Variants in MAGI2 observed in about 807,000 individuals in gnomAD.
MAGI2 encodes membrane-associated guanylate kinase, WW and PDZ domain-containing protein 2.
MAGI2 carries 35 observed loss-of-function variants against 133.3 expected under a neutral mutation model. The ratio of observed to expected loss-of-function variants is 0.26; its 90% confidence interval spans 0.20 to 0.35. MAGI2 has a LOEUF of 0.35. Among genes scored for constraint, MAGI2 ranks in the 10% least tolerant of loss-of-function variants. MAGI2 has a pLI of 1.00. For synonymous variants in MAGI2, 729 were observed against 710.6 expected, an observed-to-expected ratio of 1.03 and a Z score of -0.41; for missense variants, 1,636 against 1,863.4, an observed-to-expected ratio of 0.88 and a Z score of 2.25.
At chr7:78,466,213 T>A (rs1285732156) in intron 6 of MAGI2, among the ~76,000 whole-genome samples, 2 of 152,200 alleles carry the variant, frequency 1.3e-5, no homozygotes, top group African/African-American at 4.8e-5. Context: ...CCTTTTCCGA[T>A]CTGCTATTTG....
At chr7:78,555,232 A>G (rs535740737) in intron 3 of MAGI2, among the ~76,000 whole-genome samples, 2 of 152,028 alleles carry the variant, frequency 1.3e-5, no homozygotes, top group South Asian at 4.2e-4. Flanking sequence ...ACAGATAGAT[A>G]GATAGATAGA....
Position 79,009,806 on chromosome 7 carries a change from T to C in MAGI2, c.302-2600A>G, listed in dbSNP as rs554962741. Reference sequence around the variant, plus strand: ...GCCATATTCTGACCATGAAGTGAAGTGACAAGCACAAGGAAAAATTCACCA... The same window carrying C: ...GCCATATTCTGACCATGAAGTGAAGCGACAAGCACAAGGAAAAATTCACCA... On this transcript the variant is annotated intron_variant, in intron 1 of 21. Coordinates refer to ENST00000354212, the MANE Select transcript of MAGI2 (RefSeq NM_012301.4). Among the ~76,000 whole-genome samples the C allele has an allele frequency of 5.9e-5, 9 of 152,158 alleles. No homozygotes were observed. The South Asian group carries it at 1.9e-3, about 32-fold the overall frequency.
intron 2 of MAGI2, among the ~76,000 whole-genome samples, chr7:78,782,441 A>G (rs1211841580): frequency 2.6e-5 from 4 of 152,114 alleles, no homozygotes; most frequent in Non-Finnish European, 5.9e-5. Context: ...GTTGGATGTT[A>G]AACATTTTGA....
chr7:79,314,125 C>G (rs1367648055), intron 1 of MAGI2, among the ~76,000 whole-genome samples: 4 of 152,184 alleles, frequency 2.6e-5, no homozygotes, highest in Non-Finnish European at 5.9e-5. Context: ...AGGTGCCCAC[C>G]ACCATGCCCA....
At chr7:78,887,593 AC>A (rs1796367746) in intron 2 of MAGI2, among the ~76,000 whole-genome samples, 1 of 152,240 alleles carries the variant, frequency 6.6e-6, no homozygotes, top group Non-Finnish European at 1.5e-5. Flanking sequence ...TGTCCATAAG[AC>A]TAACCAACTG....
intron 2 of MAGI2, among the ~76,000 whole-genome samples, chr7:78,716,950 G>A (rs1037406078): frequency 6.6e-6 from 1 of 152,082 alleles, no homozygotes. Context: ...TATAAACTCC[G>A]GTCAGAGTGG....
chr7:78,267,355 C>T (rs541895280), intron 9 of MAGI2, among the ~76,000 whole-genome samples: 13 of 152,152 alleles, frequency 8.5e-5, no homozygotes, highest in Non-Finnish European at 1.5e-4. Context: ...ATTGCATGCA[C>T]ATGGGTCCAG....
intron 2 of MAGI2, among the ~76,000 whole-genome samples, chr7:78,931,936 G>C (rs1426369365): frequency 6.7e-6 from 1 of 148,886 alleles, no homozygotes; most frequent in Non-Finnish European, 1.5e-5. Context: ...GCACTGACAT[G>C]ATGTCATAAG....
At chr7:78,213,113 C>T (rs1033244167) in intron 10 of MAGI2, among the ~76,000 whole-genome samples, 3 of 152,172 alleles carry the variant, frequency 2.0e-5, no homozygotes, top group African/African-American at 7.2e-5. Context: ...TTATAAATTA[C>T]CAGAATATGC....
At chr7:78,048,480 C>T (rs1811663276) in intron 21 of MAGI2, among the ~76,000 whole-genome samples, 2 of 152,198 alleles carry the variant, frequency 1.3e-5, no homozygotes, top group Non-Finnish European at 1.5e-5. Flanking sequence ...CCCGCCAATG[C>T]CCCCCTCCAC....
chr7:78,549,127 G>A (rs974988296), intron 3 of MAGI2, among the ~76,000 whole-genome samples: 14 of 152,250 alleles, frequency 9.2e-5, no homozygotes, highest in Middle Eastern at 3.4e-3. Context: ...AGTTTGACAA[G>A]CACTCTTGGT....
At chr7:79,044,679 G>A (rs979084964) in intron 1 of MAGI2, among the ~76,000 whole-genome samples, 1 of 152,138 alleles carries the variant, frequency 6.6e-6, no homozygotes, top group Non-Finnish European at 1.5e-5. Flanking sequence ...ACCCCATAAT[G>A]TCTGCCCAAA....
At chr7:78,906,809 CAT>C (rs1185374222) in intron 2 of MAGI2, among the ~76,000 whole-genome samples, 1 of 152,146 alleles carries the variant, frequency 6.6e-6, no homozygotes, top group Non-Finnish European at 1.5e-5. Context: ...CACATACACA[CAT>C]ATGTATATAT....
intron 2 of MAGI2, among the ~76,000 whole-genome samples, chr7:78,673,408 G>A (rs895131893): frequency 2.6e-5 from 4 of 152,010 alleles, no homozygotes; most frequent in African/African-American, 9.7e-5. Context: ...CAGCAAGCTT[G>A]AGACCCAGGA....
At chr7:78,664,372 T>C (rs969135715) in intron 2 of MAGI2, among the ~76,000 whole-genome samples, 2 of 152,158 alleles carry the variant, frequency 1.3e-5, no homozygotes, top group South Asian at 2.1e-4. Flanking sequence ...AAGTGTAATG[T>C]TGGTGTAGAA....
chr7:78,855,968 C>A (rs1327043355), intron 2 of MAGI2, among the ~76,000 whole-genome samples: 1 of 152,168 alleles, frequency 6.6e-6, no homozygotes, highest in African/African-American at 2.4e-5. Flanking sequence ...GAGATGGTAT[C>A]TCATTGTGGT....
chr7:78,431,157 C>T (rs1049174779), intron 6 of MAGI2, among the ~76,000 whole-genome samples: 2 of 150,840 alleles, frequency 1.3e-5, no homozygotes, highest in Non-Finnish European at 2.9e-5. Context: ...TATTACATTC[C>T]CTGCTGATTC....
chr7:78,883,760 C>T (rs1016024139), intron 2 of MAGI2, among the ~76,000 whole-genome samples: 1 of 152,126 alleles, frequency 6.6e-6, no homozygotes, highest in Non-Finnish European at 1.5e-5. Flanking sequence ...GGGGAAAGGA[C>T]TCCCTATTTA....
At chr7:78,409,349 A>G (rs539960692) in intron 6 of MAGI2, among the ~76,000 whole-genome samples, 1 of 152,088 alleles carries the variant, frequency 6.6e-6, no homozygotes, top group Admixed American at 6.6e-5. Context: ...CTCGTTTTAT[A>G]GATGAGAAAG....
Sources: allele counts gnomAD v4.1 joint callset (sites outside exome capture counted in the v4.1 genomes callset), GRCh38; gene constraint gnomAD v4.1.1; transcripts MANE v1.5; gene names NCBI Gene and HGNC (gene_info 2026-07-23, HGNC 2026-07-21).